Variants in GINS2 observed in about 807,000 individuals in gnomAD.
The protein encoded by GINS2 is GINS complex subunit 2.
Under a neutral mutation model 21.2 loss-of-function variants are expected in GINS2, and 23 were observed. The ratio of observed to expected loss-of-function variants is 1.08; its 90% CI spans 0.78 to 1.53. The LOEUF (loss-of-function observed/expected upper bound fraction) is 1.53. Among genes scored for constraint, GINS2 ranks in the 40% most tolerant of loss-of-function variants. The pLI, the probability that GINS2 is intolerant of heterozygous loss-of-function variation, is 0.00. For synonymous variants in GINS2, 118 were observed against 85.6 expected, an observed-to-expected ratio of 1.38 and a Z score of -2.09; for missense variants, 323 against 233.9, an observed-to-expected ratio of 1.38 and a Z score of -2.49.
At chr16:85,688,347 A>G (rs2053796405) in intron 1 of GINS2, among the ~76,000 whole-genome samples, 1 of 152,050 alleles carries the variant, frequency 6.6e-6, no homozygotes, top group East Asian at 1.9e-4. Context: ...GGAGTTCGAG[A>G]CCAGCCTGGC....
At position 85,686,158 on chromosome 16, in the gene GINS2, G is replaced by A. The variant is rs182703942; in HGVS notation, c.205+1302C>T. 2.1e-3 allele frequency among the ~76,000 whole-genome samples: 320 copies of A among 152,174 alleles called. 7 individuals are homozygous for A. Among genetic ancestry groups the A allele is most frequent in the Admixed American group, 0.019 (295 of 15,272 alleles). The stretch of plus-strand genomic sequence containing the variant: ...CATAATTAATATATCATACAATTCA[G>A]CCATTTAAAGTATACAAGTTTTGAG... On this transcript the variant is annotated intron_variant, in intron 2 of 4. Coordinates refer to ENST00000253462, the MANE Select transcript of GINS2 (RefSeq NM_016095.3).
chr16:85,686,444 T>A (rs2053778519), intron 2 of GINS2, among the ~76,000 whole-genome samples: 1 of 152,020 alleles, frequency 6.6e-6, no homozygotes, highest in Non-Finnish European at 1.5e-5. Context: ...TATACAAGTT[T>A]TAGTAGCACT....
chr16:85,681,227 G>C (rs2053729503), intron 3 of GINS2, among the ~76,000 whole-genome samples: 1 of 152,236 alleles, frequency 6.6e-6, no homozygotes, highest in South Asian at 2.1e-4. Flanking sequence ...ACATGGCAAA[G>C]AATGGCTACT....
chr16:85,685,670 C>CAAAAAAAAAA (rs752631926), intron 2 of GINS2, among the ~76,000 whole-genome samples: 34 of 55,278 alleles, frequency 6.2e-4, no homozygotes, highest in South Asian at 4.5e-3. Context: ...GACCCTTTCT[C>CAAAAAAAAAA]AAAAAAAAAA....
At chr16:85,682,934 G>T (rs201564139) in intron 2 of GINS2, among the ~76,000 whole-genome samples, 5 of 151,930 alleles carry the variant, frequency 3.3e-5, no homozygotes, top group African/African-American at 4.8e-5. Context: ...CTTCACTGCC[G>T]CCAGCACCGC....
intron 3 of GINS2, among the ~76,000 whole-genome samples, chr16:85,679,197 G>C (rs980395851): frequency 1.3e-5 from 2 of 152,178 alleles, no homozygotes; most frequent in Admixed American, 1.3e-4. Flanking sequence ...CTGAAGGGAA[G>C]GGACTCTCCT....
chr16:85,682,501 AC>A (rs1422710235), intron 2 of GINS2, among the ~76,000 whole-genome samples: 2 of 148,532 alleles, frequency 1.3e-5, no homozygotes, highest in African/African-American at 5.0e-5. Context: ...GGGCTAAGCC[AC>A]CCCAGCCTGG....
At position 85,685,681 on chromosome 16, in the gene GINS2, A is replaced by AAAAACAAAAAAAAAAAAACAAC. The variant is rs1567792824; in HGVS notation, c.205+1778_205+1779insGTTGTTTTTTTTTTTTTGTTTT. On this transcript the variant is annotated intron_variant, in intron 2 of 4. Coordinates refer to ENST00000253462, the MANE Select transcript of GINS2 (RefSeq NM_016095.3). Reference sequence around the variant, plus strand: ...GCAAGACCCTTTCTCAAAAAAAAAAAAAAAAAAAAACCGTCTCAAAGCAGA... The same window carrying AAAAACAAAAAAAAAAAAACAAC: ...GCAAGACCCTTTCTCAAAAAAAAAAAAAAACAAAAAAAAAAAAACAACAAAAAAAAAACCGTCTCAAAGCAGA... Among the ~76,000 whole-genome samples the AAAAACAAAAAAAAAAAAACAAC allele has an allele frequency of 9.9e-3, 1,470 of 148,044 alleles. 66 individuals carry two copies. The highest frequency in any genetic ancestry group is 0.036 in the African/African-American group (1,401 of 39,446).
chr16:85,678,017 G>A lies in GINS2; in HGVS notation c.*195C>T, dbSNP rs757121498. 1.9e-6 allele frequency: 1 copy of A among 515,442 alleles called. No homozygotes were observed. Among genetic ancestry groups the A allele is most frequent in the East Asian group, 3.3e-5 (1 of 30,462 alleles). The allele number at this position is 515,442 out of a possible 1,614,324, so 31.9% of individuals were successfully genotyped here. ...GGTTTCTAGAAACAGATGTGGAATT[G>A]AAGAATGTCCCAGGGAGCTAAGTTT... On this transcript the variant is annotated 3_prime_UTR_variant, in exon 5 of 5. Coordinates refer to ENST00000253462, the MANE Select transcript of GINS2 (RefSeq NM_016095.3).
rs1457228480 is a variant in GINS2, at chr16:85,688,883, C to T, written c.16G>A (p.Val6Ile). Residue 6 changes from valine (V) to isoleucine (I), a missense_variant, in exon 1 of 5, where the codon GTC (valine) becomes ATC (isoleucine). Val to Ile is a conservative substitution (Grantham distance 29). Transcript: ENST00000253462. MDAAE[V>I]EFLAEKELVT... Reference sequence around the variant, plus strand: ...AGCTCCTTCTCGGCGAGGAATTCGACCTCGGCAGCGTCCATGGCGGCGCGA... The same window carrying T: ...AGCTCCTTCTCGGCGAGGAATTCGATCTCGGCAGCGTCCATGGCGGCGCGA... 1.3e-6 allele frequency: 2 copies of T among 1,541,324 alleles called. No homozygotes were observed. Among genetic ancestry groups the T allele is most frequent in the Admixed American group, 2.0e-5 (1 of 50,328 alleles).
Position 85,688,857 on chromosome 16 carries a change from C to T in GINS2, c.42G>A (p.Leu14=). Residue 14 remains leucine, a synonymous_variant, in exon 1 of 5, where the codon CTG becomes CTA. Coordinates refer to ENST00000253462, the MANE Select transcript of GINS2 (RefSeq NM_016095.3). ...GACTGAAGTTGGGGATAATGGTAAC[C>T]AGCTCCTTCTCGGCGAGGAATTCGA... The part of the protein sequence containing the change: ...AEVEFLAEKE[L]VTIIPNFSLD... The T allele has an allele frequency of 6.5e-7, 1 of 1,545,370 alleles. No homozygotes were observed. The highest frequency in any genetic ancestry group is 8.7e-7 in the Non-Finnish European group (1 of 1,144,082).
intron 2 of GINS2, among the ~76,000 whole-genome samples, chr16:85,684,200 G>A (rs1347485175): frequency 3.9e-5 from 6 of 152,158 alleles, no homozygotes; most frequent in Admixed American, 6.5e-5. Flanking sequence ...TGAATGTGAT[G>A]GTATACACCT....
chr16:85,682,146 C>T (rs1233227849), intron 2 of GINS2, among the ~76,000 whole-genome samples: 2 of 150,502 alleles, frequency 1.3e-5, no homozygotes, highest in East Asian at 4.0e-4. Flanking sequence ...CCCGCCTCAG[C>T]CTCCCAAGGA....
intron 2 of GINS2, among the ~76,000 whole-genome samples, chr16:85,685,679 A>AAAAC (rs1010150019): frequency 3.5e-5 from 5 of 144,154 alleles, no homozygotes; most frequent in Non-Finnish European, 7.4e-5. Flanking sequence ...TCAAAAAAAA[A>AAAAC]AAAAAAAAAA....
At position 85,676,331 on chromosome 16, in the gene GINS2, G is replaced by A. The variant is rs920883023; in HGVS notation, c.*1881C>T. On this transcript the variant is annotated 3_prime_UTR_variant, in exon 5 of 5. Coordinates refer to ENST00000253462, the MANE Select transcript of GINS2 (RefSeq NM_016095.3). ...TAAGAGGAGGGCATTAGGACCCCTT[G>A]CCCTCCACAATAACAAGTGGTTTCA... The A allele has an allele frequency of 6.6e-6, 1 of 152,174 alleles. No homozygotes were observed. The highest frequency in any genetic ancestry group is 1.5e-5 in the Non-Finnish European group (1 of 68,030). 9.4% of individuals were successfully genotyped at this position (152,174 alleles called of 1,614,324 possible). A position where few individuals can be genotyped will look rare whatever the true frequency, so the allele number is the denominator to read the frequency against.
In GINS2 at chr16:85,687,556, TA is replaced by T. The variant is rs770704724; in HGVS notation, c.108del (p.Phe36LeufsTer17). ...GGCACTTCCACGGGTAAACCAGGGTTAAAAGGCCCCAGGTCCCCCTGCCAAA... is the reference window on the plus strand; with the variant it reads ...GGCACTTCCACGGGTAAACCAGGGTTAAAGGCCCCAGGTCCCCCTGCCAAA... ...IYLIGGDLGP[F>X]NPGLPVEVPL... On this transcript the variant is annotated frameshift_variant, in exon 2 of 5. Transcript: ENST00000253462. LOFTEE classifies it high-confidence loss of function. 1.9e-6 allele frequency: 3 copies of T among 1,570,118 alleles called. No homozygotes were observed. Among genetic ancestry groups the T allele is most frequent in the African/African-American group, 1.4e-5 (1 of 72,370 alleles).
At chr16:85,682,307 G>A (rs1271144093) in intron 2 of GINS2, among the ~76,000 whole-genome samples, 1 of 152,088 alleles carries the variant, frequency 6.6e-6, no homozygotes, top group Non-Finnish European at 1.5e-5. Context: ...GAGTCACCTG[G>A]TCAGTATTAG....
In GINS2 at chr16:85,681,563, A is replaced by T. The variant is rs1254825352; in HGVS notation, c.305+19T>A. 2.1e-6 allele frequency: 3 copies of T among 1,422,820 alleles called. No individual in the cohort carries two copies. The African/African-American group carries it at 4.2e-5, about 20-fold the overall frequency. The allele number at this position is 1,422,820 out of a possible 1,614,324, so 88.1% of individuals were successfully genotyped here. ...AGTCCAGTCTTGGGTGTGGCCTCTA[A>T]GAGGTGAGATCTACTTACTGATTTA... On this transcript the variant is annotated intron_variant, in intron 3 of 4. Coordinates refer to ENST00000253462, the MANE Select transcript of GINS2 (RefSeq NM_016095.3).
chr16:85,678,316 CCATCAAGGT>C lies in GINS2; in HGVS notation c.445_453del (p.Thr149_Met151del). The stretch of plus-strand genomic sequence containing the variant: ...AGGAAAGTCCCGCTGGTGTTGATCT[CCATCAAGGT>C]CAAGTTATCCAGCTAAAGCAAGAAA... On this transcript the variant is annotated inframe_deletion, in exon 5 of 5. Transcript: ENST00000253462. 1 of 1,613,674 alleles carries C rather than the reference CCATCAAGGT, an allele frequency of 6.2e-7. No individual in the cohort carries two copies.
Sources: gnomAD v4.1 joint callset for allele counts (sites outside exome capture counted in the v4.1 genomes callset) on GRCh38, gnomAD v4.1.1 for gene constraint, MANE v1.5 for transcripts, NCBI Gene and HGNC (gene_info 2026-07-23, HGNC 2026-07-21) for gene names.